The following ZNF415 variants were observed in gnomAD, a reference collection of about 807,000 sequenced individuals.
ZNF415 encodes the protein zinc finger protein 415.
In ZNF415, 5 loss-of-function variants were observed where a neutral mutation model predicts 7.3. That is an observed-to-expected ratio of 0.69 (90% CI 0.36 to 1.44). ZNF415 has a LOEUF of 1.44. ZNF415 is among the 40% of genes most tolerant of loss of function. The probability of loss-of-function intolerance (pLI) is 0.04; values close to 1 mark genes in which losing one functional copy is unlikely to be tolerated. For missense variants in ZNF415, 628 were observed against 664.8 expected (o/e 0.94, Z 0.61); for synonymous variants, 207 against 226.3 (o/e 0.91, Z 0.77).
intron 1 of ZNF415, among the ~76,000 whole-genome samples, chr19:53,132,403 G>A (rs895596881): frequency 6.6e-6 from 1 of 152,060 alleles, no homozygotes; most frequent in Non-Finnish European, 1.5e-5. Context: ...GGGGAGCAGC[G>A]GGGCCCGGCA....
rs1404659269 is a variant in ZNF415, at chr19:53,113,324, C to G, written c.136+2989G>C. 3.5e-5 allele frequency among the ~76,000 whole-genome samples: 3 copies of G among 85,924 alleles called. 1 individual carries two copies. Among genetic ancestry groups the G allele is most frequent in the Non-Finnish European group, 4.7e-5 (2 of 42,684 alleles). The allele number at this position is 85,924 out of a possible 152,430, so 56.4% of individuals were successfully genotyped here. A position where few individuals can be genotyped will look rare whatever the true frequency, so the allele number is the denominator to read the frequency against. ...GAGATCGAGACCATCCTGGCTAACACGGTGAAACCCCGTCTCTACTAAAAA... is the reference window on the plus strand; with the variant it reads ...GAGATCGAGACCATCCTGGCTAACAGGGTGAAACCCCGTCTCTACTAAAAA... On this transcript the variant is annotated intron_variant, in intron 3 of 3. Transcript: ENST00000243643.
rs776740735 is a variant in ZNF415 at position 53,116,317 on chromosome 19, G to A, written c.132C>T (p.Ser44=). 28 of 1,607,554 alleles carry A rather than the reference G, an allele frequency of 1.7e-5. No individual in the cohort carries two copies. The highest frequency in any genetic ancestry group is 2.2e-5 in the Non-Finnish European group (26 of 1,178,326). Residue 44 remains serine, a synonymous_variant, in exon 3 of 4, where the codon TCC becomes TCT. Transcript: ENST00000243643. ...CTGGAAGAAAATTATCCTCACCCAG[G>A]GAGACCAGGTTCCTGTAGTTCTCCA... is the stretch of plus-strand genomic sequence containing the variant. ...VMLENYRNLV[S]LDLSRNCVIK... is the part of the protein sequence containing the mutation.
Position 53,109,804 on chromosome 19 carries a change from T to C in ZNF415, c.241A>G (p.Ile81Val). 1.9e-6 allele frequency: 3 copies of C among 1,614,066 alleles called. No homozygotes were observed. Among genetic ancestry groups the C allele is most frequent in the Non-Finnish European group, 2.5e-6 (3 of 1,179,990 alleles). Residue 81 changes from isoleucine (I) to valine (V), a missense_variant, in exon 4 of 4, where the codon ATT becomes GTT. Coordinates refer to ENST00000243643, the MANE Select transcript of ZNF415 (RefSeq NM_018355.4). The stretch of plus-strand genomic sequence containing the variant: ...ATTTCCCTGAAGCAAAACTCTTCAA[T>C]GTCATGTTTTTCATGTTGTTCCAAT... ...VTLEQHEKHD[I>V]EEFCFREIKK...
intron 1 of ZNF415, chr19:53,124,230 C>T (rs1025056777): frequency 3.0e-5 from 4 of 134,358 alleles, no homozygotes; most frequent in African/African-American, 1.0e-4. Flanking sequence ...AAGAGAAAAA[C>T]TCCGTCTCAA....
intron 1 of ZNF415, chr19:53,129,625 C>T (rs550416012): frequency 2.5e-6 from 1 of 399,404 alleles, no homozygotes; most frequent in Non-Finnish European, 4.4e-6. Context: ...CAGGTGGGCT[C>T]ACTGAGGCTG....
At chr19:53,112,813 G>A (rs1441294450) in intron 3 of ZNF415, among the ~76,000 whole-genome samples, 1 of 152,194 alleles carries the variant, frequency 6.6e-6, no homozygotes, top group Non-Finnish European at 1.5e-5. Flanking sequence ...GGGGCCAGGC[G>A]TGGTGGCTCA....
chr19:53,113,263 CTTTGGGAGGCCG>C, intron 3 of ZNF415, among the ~76,000 whole-genome samples: 1 of 27,844 alleles, frequency 3.6e-5, no homozygotes. Flanking sequence ...AATCCCAGCA[CTTTGGGAGGCCG>C]AGACGGGCGG....
chr19:53,108,629 T>C lies in ZNF415; in HGVS notation c.1416A>G (p.Gln472=), dbSNP rs770695015. Residue 472 remains glutamine, a synonymous_variant, in exon 4 of 4, where the codon CAA becomes CAG. Coordinates refer to ENST00000243643, the MANE Select transcript of ZNF415 (RefSeq NM_018355.4). ...HTGEKPYKCN[Q]CGKGFSVHSS... Reference sequence around the variant, plus strand: ...AATGCACACTGAAGCCTTTGCCACATTGATTACATTTGTAAGGCTTCTCTC... The same window carrying C: ...AATGCACACTGAAGCCTTTGCCACACTGATTACATTTGTAAGGCTTCTCTC... The C allele has an allele frequency of 6.4e-5, 103 of 1,614,018 alleles. No individual in the cohort carries two copies. The highest frequency in any genetic ancestry group is 2.0e-4 in the Admixed American group (12 of 59,992).
intron 1 of ZNF415, among the ~76,000 whole-genome samples, chr19:53,125,459 C>T (rs968618930): frequency 6.6e-6 from 1 of 151,700 alleles, no homozygotes; most frequent in Non-Finnish European, 1.5e-5. Flanking sequence ...CTCAGCCTCT[C>T]GAGTAGCTAG....
chr19:53,129,878 A>C (rs1382113183), intron 1 of ZNF415, among the ~76,000 whole-genome samples: 1 of 152,138 alleles, frequency 6.6e-6, no homozygotes, highest in African/African-American at 2.4e-5. Context: ...AGCCTGGCCA[A>C]CATGATGAAA....
At chr19:53,131,317 A>T (rs1327117001) in intron 1 of ZNF415, among the ~76,000 whole-genome samples, 1 of 152,032 alleles carries the variant, frequency 6.6e-6, no homozygotes, top group Non-Finnish European at 1.5e-5. Context: ...GGAATTAATG[A>T]GTCAAGTCAC....
At chr19:53,118,066 TC>T (rs1169837110) in intron 2 of ZNF415, among the ~76,000 whole-genome samples, 2 of 152,022 alleles carry the variant, frequency 1.3e-5, no homozygotes, top group Non-Finnish European at 2.9e-5. Context: ...TTTAAGAAAC[TC>T]ATGTCAATGT....
At position 53,109,763 on chromosome 19, in the gene ZNF415, G is replaced by A. The variant is rs138219869; in HGVS notation, c.282C>T (p.His94=). The change falls in exon 4 of 4, where the codon CAC becomes CAT. Residue 94 remains histidine, a synonymous_variant. Transcript: ENST00000243643. ...CATCTCTCCACTGACAGTCAAAGTC[G>A]TGTATTTTTTTCTTGATTTCCCTGA... ...FCFREIKKKI[H]DFDCQWRDDE... 1.1e-5 allele frequency: 17 copies of A among 1,613,816 alleles called. No homozygotes were observed. The Admixed American group carries it at 1.3e-4, about 13-fold the overall frequency.
intron 1 of ZNF415, 136 bp from the exon 2 acceptor site, chr19:53,122,879 C>T (rs534077818): frequency 8.7e-5 from 55 of 628,720 alleles, no homozygotes; most frequent in Admixed American, 2.9e-4. Context: ...CCAGGGTGGC[C>T]CCAGGGACAA....
intron 2 of ZNF415, among the ~76,000 whole-genome samples, chr19:53,119,133 T>A (rs1473023487): frequency 6.6e-6 from 1 of 151,776 alleles, no homozygotes; most frequent in Non-Finnish European, 1.5e-5. Flanking sequence ...TACAAAAAAA[T>A]TAGCTGGGTG....
intron 1 of ZNF415, among the ~76,000 whole-genome samples, chr19:53,128,150 C>T (rs2089509896): frequency 6.6e-6 from 1 of 152,094 alleles, no homozygotes; most frequent in South Asian, 2.1e-4. Context: ...TTCTACTTCT[C>T]TTCCATGCAT....
At chr19:53,125,798 C>T (rs2088973769) in intron 1 of ZNF415, among the ~76,000 whole-genome samples, 1 of 151,910 alleles carries the variant, frequency 6.6e-6, no homozygotes, top group South Asian at 2.1e-4. Context: ...ATTAGCCGGA[C>T]ATGGTGGCAC....
At chr19:53,131,390 G>T (rs892662729) in intron 1 of ZNF415, among the ~76,000 whole-genome samples, 9 of 152,196 alleles carry the variant, frequency 5.9e-5, no homozygotes, top group African/African-American at 1.9e-4. Flanking sequence ...ATTATAAAAT[G>T]CACCAGCCTT....
intron 1 of ZNF415, among the ~76,000 whole-genome samples, chr19:53,127,486 C>G (rs921483124): frequency 6.6e-6 from 1 of 152,210 alleles, no homozygotes. Flanking sequence ...ACCAATAAAA[C>G]AGAGATGTCT....
Sources: gnomAD v4.1 joint callset for allele counts (sites outside exome capture counted in the v4.1 genomes callset) on GRCh38, gnomAD v4.1.1 for gene constraint, MANE v1.5 for transcripts, NCBI Gene and HGNC (gene_info 2026-07-23, HGNC 2026-07-21) for gene names.